The following COL19A1 variants were observed in gnomAD, a reference collection of about 807,000 sequenced individuals.
The protein encoded by COL19A1 is collagen alpha-1(XIX) chain.
COL19A1 carries 159 observed loss-of-function variants against 190.2 expected under a neutral mutation model. That is an observed-to-expected ratio of 0.84 (90% confidence interval 0.73 to 0.95). The LOEUF (loss-of-function observed/expected upper bound fraction) is 0.95. Ranked by LOEUF, COL19A1 falls within the 40% of genes least tolerant of loss-of-function variation. The pLI, the probability that COL19A1 is intolerant of heterozygous loss-of-function variation, is 0.00. For missense variants in COL19A1, 1,418 were observed against 1,431.9 expected (o/e 0.99, Z 0.16); for synonymous variants, 509 against 458.9 (o/e 1.11, Z -1.39).
At position 70,206,883 on chromosome 6, in the gene COL19A1, T is replaced by A. The variant is rs1767900824; in HGVS notation, c.3224-18T>A. 1.9e-6 allele frequency: 3 copies of A among 1,607,838 alleles called. No homozygotes were observed. Among genetic ancestry groups the A allele is most frequent in the Non-Finnish European group, 2.5e-6 (3 of 1,177,654 alleles). On this transcript the variant is annotated intron_variant, in intron 49 of 50. Coordinates refer to ENST00000620364, the MANE Select transcript of COL19A1 (RefSeq NM_001858.6). ...GAACCCTTTTTGTGTGTCTCTTTTT[T>A]ATATATTTCTCACTTAGGCTACAGA...
At chr6:69,888,564 G>C (rs1199734198) in intron 2 of COL19A1, among the ~76,000 whole-genome samples, 1 of 152,070 alleles carries the variant, frequency 6.6e-6, no homozygotes, top group Non-Finnish European at 1.5e-5. Context: ...GCTGAGATGG[G>C]CAGATTGCCT....
At chr6:70,088,880 G>T (rs1782743175) in intron 15 of COL19A1, among the ~76,000 whole-genome samples, 2 of 152,210 alleles carry the variant, frequency 1.3e-5, no homozygotes, top group South Asian at 2.1e-4. Flanking sequence ...AGTGGCAGTT[G>T]ATTTCTCATT....
chr6:70,056,243 C>T (rs918097839), intron 14 of COL19A1, among the ~76,000 whole-genome samples: 4 of 152,060 alleles, frequency 2.6e-5, no homozygotes, highest in African/African-American at 9.7e-5. Context: ...TTTGTTTTTT[C>T]ACTTTCACAC....
At chr6:70,007,452 C>G (rs1000651460) in intron 11 of COL19A1, among the ~76,000 whole-genome samples, 1 of 151,980 alleles carries the variant, frequency 6.6e-6, no homozygotes, top group Middle Eastern at 3.4e-3. Flanking sequence ...TACACAGACT[C>G]TATGACAAGT....
chr6:70,195,409 C>T (rs758636357), intron 48 of COL19A1, among the ~76,000 whole-genome samples: 5 of 151,936 alleles, frequency 3.3e-5, no homozygotes, highest in Admixed American at 6.6e-5. Context: ...AGTGAGGGAC[C>T]CTTAATTTCA....
chr6:70,178,442 A>C (rs918156554), intron 42 of COL19A1, among the ~76,000 whole-genome samples: 1 of 152,208 alleles, frequency 6.6e-6, no homozygotes, highest in African/African-American at 2.4e-5. Flanking sequence ...AAAAATTTAC[A>C]TACTACAAAC....
chr6:70,179,698 CA>C (rs1307657560), intron 42 of COL19A1, among the ~76,000 whole-genome samples: 1 of 152,136 alleles, frequency 6.6e-6, no homozygotes, highest in Non-Finnish European at 1.5e-5. Flanking sequence ...AAAATAAGCA[CA>C]AGAGGGATGT....
chr6:69,892,658 T>G (rs879737769), intron 2 of COL19A1, among the ~76,000 whole-genome samples: 1 of 152,162 alleles, frequency 6.6e-6, no homozygotes, highest in Non-Finnish European at 1.5e-5. Context: ...AGTTGAGTGA[T>G]CCTCTCCTCT....
chr6:70,187,970 A>T, intron 46 of COL19A1, 105 bp from the exon 47 acceptor site: 1 of 1,310,862 alleles, frequency 7.6e-7, no homozygotes, highest in Non-Finnish European at 1.1e-6. Context: ...TTATTTATAC[A>T]AGGCCCAACA....
At chr6:69,909,792 A>T (rs1171744325) in intron 4 of COL19A1, among the ~76,000 whole-genome samples, 5 of 152,186 alleles carry the variant, frequency 3.3e-5, no homozygotes, top group African/African-American at 1.2e-4. Flanking sequence ...AGATGGCTTA[A>T]GTTCTAATGA....
At chr6:69,986,043 G>T (rs908221713) in intron 11 of COL19A1, among the ~76,000 whole-genome samples, 1 of 151,676 alleles carries the variant, frequency 6.6e-6, no homozygotes, top group African/African-American at 2.4e-5. Flanking sequence ...TGTTTGTCTT[G>T]CTTAGTCATG....
At chr6:70,115,082 T>A (rs60676452) in intron 16 of COL19A1, among the ~76,000 whole-genome samples, 10,404 of 152,230 alleles carry the variant, frequency 0.068, 1,185 homozygotes, top group African/African-American at 0.24. Context: ...GCCCTCAGCC[T>A]AACGGTGGTG....
intron 11 of COL19A1, among the ~76,000 whole-genome samples, chr6:69,999,544 T>A (rs1017111479): frequency 2.2e-4 from 33 of 151,962 alleles, no homozygotes; most frequent in African/African-American, 7.7e-4. Context: ...ATAAAAAAAT[T>A]TTTTTTGATT....
At chr6:69,891,567 G>A (rs1184237793) in intron 2 of COL19A1, among the ~76,000 whole-genome samples, 1 of 152,142 alleles carries the variant, frequency 6.6e-6, no homozygotes, top group African/African-American at 2.4e-5. Context: ...GGGAGAGAGG[G>A]AAGAATGTCC....
At chr6:70,138,675 T>C (rs1354523739) in intron 19 of COL19A1, among the ~76,000 whole-genome samples, 1 of 152,108 alleles carries the variant, frequency 6.6e-6, no homozygotes, top group Admixed American at 6.6e-5. Flanking sequence ...ATTTTCCCTA[T>C]GCTTCAGCTT....
At chr6:70,116,555 T>G (rs1197155729) in intron 16 of COL19A1, among the ~76,000 whole-genome samples, 1 of 152,212 alleles carries the variant, frequency 6.6e-6, no homozygotes, top group South Asian at 2.1e-4. Context: ...GAAACATAAA[T>G]GAGAGAAAAA....
chr6:69,940,392 C>T (rs1175513629), intron 9 of COL19A1, among the ~76,000 whole-genome samples: 2 of 152,024 alleles, frequency 1.3e-5, no homozygotes, highest in Non-Finnish European at 2.9e-5. Flanking sequence ...CTGCTCTCAC[C>T]GAGTTTACAA....
At chr6:70,016,789 A>G (rs967022195) in intron 11 of COL19A1, among the ~76,000 whole-genome samples, 1 of 152,070 alleles carries the variant, frequency 6.6e-6, no homozygotes, top group Non-Finnish European at 1.5e-5. Context: ...ATTAATCATT[A>G]AGAAAATGCA....
intron 14 of COL19A1, among the ~76,000 whole-genome samples, chr6:70,064,609 A>G (rs1180234488): frequency 6.6e-6 from 1 of 152,174 alleles, no homozygotes; most frequent in African/African-American, 2.4e-5. Flanking sequence ...AGTTCTGGCC[A>G]GGGCAATCAG....
Sources: gnomAD v4.1 joint callset for allele counts (sites outside exome capture counted in the v4.1 genomes callset) on GRCh38, gnomAD v4.1.1 for gene constraint, MANE v1.5 for transcripts, NCBI Gene and HGNC (gene_info 2026-07-23, HGNC 2026-07-21) for gene names.